Variants in ACO1 observed in about 807,000 individuals in gnomAD.
The protein encoded by ACO1 is aconitase 1.
Under a neutral mutation model 105.1 loss-of-function variants are expected in ACO1, and 78 were observed. That is an observed-to-expected ratio of 0.74 (90% CI 0.62 to 0.90). ACO1 has a LOEUF of 0.90. ACO1 is among the 40% of genes least tolerant of loss of function. ACO1 has a pLI of 0.00. For synonymous variants in ACO1, 364 were observed against 397.4 expected (o/e 0.92, Z 1.00); for missense variants, 965 against 1,111.1 (o/e 0.87, Z 1.87).
chr9:32,416,156 G>A (rs10970968), intron 4 of ACO1, among the ~76,000 whole-genome samples: 20,445 of 149,866 alleles, frequency 0.14, 1,629 homozygotes, highest in East Asian at 0.33. Context: ...GTGCAGTGGC[G>A]CGATCTTGGC....
At chr9:32,404,945 T>G (rs1587520574) in intron 1 of ACO1, among the ~76,000 whole-genome samples, 1 of 152,174 alleles carries the variant, frequency 6.6e-6, no homozygotes, top group African/African-American at 2.4e-5. Flanking sequence ...TGGCCTAGGG[T>G]ATATACCTTT....
chr9:32,404,887 G>T (rs973096049), intron 1 of ACO1, among the ~76,000 whole-genome samples: 2 of 152,158 alleles, frequency 1.3e-5, no homozygotes, highest in Non-Finnish European at 2.9e-5. Flanking sequence ...GGATACTCAG[G>T]AATCTATATT....
chr9:32,385,100 C>A (rs1007679824), intron 1 of ACO1, among the ~76,000 whole-genome samples: 2 of 152,220 alleles, frequency 1.3e-5, no homozygotes, highest in African/African-American at 4.8e-5. Context: ...CTCGCCCAGG[C>A]CCGGCTGGCT....
intron 18 of ACO1, among the ~76,000 whole-genome samples, 189 bp from the exon 19 acceptor site, chr9:32,440,276 A>AAG (rs1330795863): frequency 6.6e-6 from 1 of 152,106 alleles, no homozygotes; most frequent in East Asian, 1.9e-4. Context: ...TCAAAAAAAA[A>AAG]AAAAAGAATA....
intron 4 of ACO1, among the ~76,000 whole-genome samples, chr9:32,417,734 G>C (rs1392444883): frequency 6.6e-5 from 10 of 152,156 alleles, no homozygotes; most frequent in Non-Finnish European, 1.5e-4. Context: ...ACACATTCCA[G>C]GTCAGAGAGA....
chr9:32,437,070 G>GT (rs1481985452), intron 18 of ACO1, among the ~76,000 whole-genome samples: 2 of 152,162 alleles, frequency 1.3e-5, no homozygotes, highest in Non-Finnish European at 2.9e-5. Context: ...GAAATTGCCT[G>GT]TAAACTGTTT....
At position 32,434,714 on chromosome 9, in the gene ACO1, G is replaced by A; in HGVS notation, c.2099+13G>A. 1 of 1,613,470 alleles carries A rather than the reference G, an allele frequency of 6.2e-7. No homozygotes were observed. On this transcript the variant is annotated intron_variant, in intron 17 of 20. Coordinates refer to ENST00000309951, the MANE Select transcript of ACO1 (RefSeq NM_002197.3). ...TAACTAACAGAGGGTAAGTATGAAT[G>A]AGGCAGGAAGGACTAAAGGCAAAAA...
chr9:32,433,327 G>A (rs1451393174), intron 15 of ACO1, among the ~76,000 whole-genome samples: 1 of 152,124 alleles, frequency 6.6e-6, no homozygotes, highest in African/African-American at 2.4e-5. Context: ...TCAAATTCCT[G>A]AGCTCAAGCA....
At chr9:32,423,022 T>G (rs1326248550) in intron 8 of ACO1, among the ~76,000 whole-genome samples, 3 of 152,186 alleles carry the variant, frequency 2.0e-5, no homozygotes, top group Non-Finnish European at 4.4e-5. Flanking sequence ...ATTCTCCTAA[T>G]TAAAGGCTAT....
chr9:32,391,105 G>A (rs185646099), intron 1 of ACO1, among the ~76,000 whole-genome samples: 15 of 152,296 alleles, frequency 9.8e-5, no homozygotes, highest in African/African-American at 2.9e-4. Flanking sequence ...GGTAGCTCAC[G>A]GGGATATAGT....
At chr9:32,406,623 G>A (rs934808310) in intron 2 of ACO1, among the ~76,000 whole-genome samples, 16 of 152,080 alleles carry the variant, frequency 1.1e-4, no homozygotes, top group Non-Finnish European at 2.2e-4. Flanking sequence ...ACCCTGTCTC[G>A]AAAACAAACA....
At chr9:32,396,666 A>G (rs1821379233) in intron 1 of ACO1, among the ~76,000 whole-genome samples, 1 of 151,258 alleles carries the variant, frequency 6.6e-6, no homozygotes, top group Non-Finnish European at 1.5e-5. Context: ...GCCCTGCTTT[A>G]TCAATAGAAT....
chr9:32,408,285 G>A (rs1363815363), intron 3 of ACO1, among the ~76,000 whole-genome samples: 1 of 152,050 alleles, frequency 6.6e-6, no homozygotes, highest in Non-Finnish European at 1.5e-5. Flanking sequence ...AATTTAATAC[G>A]GTGATAACAT....
At chr9:32,424,781 G>C in intron 10 of ACO1, 116 bp downstream of exon 10, 1 of 722,614 alleles carries the variant, frequency 1.4e-6, no homozygotes, top group South Asian at 1.8e-5. Context: ...AAGCTTGAGG[G>C]TGTTTATTCT....
chr9:32,412,772 C>A (rs897381209), intron 4 of ACO1, among the ~76,000 whole-genome samples: 8 of 152,068 alleles, frequency 5.3e-5, no homozygotes, highest in African/African-American at 1.9e-4. Context: ...AAATGTTATC[C>A]TGTTTGAGAT....
chr9:32,427,467 T>C (rs201023569), intron 12 of ACO1, 31 bp downstream of exon 12: 2 of 1,613,854 alleles, frequency 1.2e-6, no homozygotes, highest in Non-Finnish European at 1.7e-6. Flanking sequence ...GCACCATTGC[T>C]TTTGTTGAAT....
chr9:32,441,401 G>A (rs1200035975), intron 19 of ACO1, among the ~76,000 whole-genome samples: 1 of 152,114 alleles, frequency 6.6e-6, no homozygotes, highest in Non-Finnish European at 1.5e-5. Flanking sequence ...GCAAATTAAT[G>A]CACCTCGGAA....
intron 10 of ACO1, 47 bp downstream of exon 10, chr9:32,424,712 G>A: frequency 7.7e-7 from 1 of 1,302,714 alleles, no homozygotes; most frequent in South Asian, 1.2e-5. Context: ...TCTACCTCTT[G>A]CCTGGTTACT....
At chr9:32,407,181 CT>C in intron 2 of ACO1, 79 bp from the exon 3 acceptor site, 1 of 1,353,896 alleles carries the variant, frequency 7.4e-7, no homozygotes, top group East Asian at 2.3e-5. Context: ...CTCATATCAA[CT>C]TTATATAGAG....
Sources: gnomAD v4.1 joint callset for allele counts (sites outside exome capture counted in the v4.1 genomes callset) on GRCh38, gnomAD v4.1.1 for gene constraint, MANE v1.5 for transcripts, NCBI Gene and HGNC (gene_info 2026-07-23, HGNC 2026-07-21) for gene names.